The following CRB1 variants were observed in gnomAD, a reference collection of about 807,000 sequenced individuals.
CRB1 encodes the protein protein crumbs homolog 1.
CRB1 carries 83 observed loss-of-function variants against 120.0 expected under a neutral mutation model. That is an observed-to-expected ratio of 0.69 (90% confidence interval 0.58 to 0.83). CRB1 has a LOEUF of 0.83. Among genes scored for constraint, CRB1 ranks in the 40% least tolerant of loss-of-function variants. The pLI is 0.00. For missense variants in CRB1, 1,699 were observed against 1,687.6 expected, an observed-to-expected ratio of 1.01 and a Z score of -0.12; for synonymous variants, 625 against 612.5, an observed-to-expected ratio of 1.02 and a Z score of -0.30.
chr1:197,441,492 A>C (rs954356022), intron 10 of CRB1: 5 of 152,160 alleles, frequency 3.3e-5, no homozygotes, highest in African/African-American at 1.2e-4. Context: ...TTCTACCTCA[A>C]CATTTCAGAA....
At chr1:197,409,338 A>G (rs542554658) in intron 5 of CRB1, among the ~76,000 whole-genome samples, 15 of 152,326 alleles carry the variant, frequency 9.8e-5, no homozygotes, top group Admixed American at 2.6e-4. Context: ...ACACATTTTT[A>G]TAATTCTTGT....
At position 197,453,790 on chromosome 1, in the gene CRB1, T is replaced by G. The variant is rs188480588; in HGVS notation, c.4005+11498T>G. 5.4e-3 allele frequency among the ~76,000 whole-genome samples: 774 copies of G among 143,354 alleles called. 11 individuals carry two copies. The highest frequency in any genetic ancestry group is 0.019 in the African/African-American group (742 of 39,198). The allele number at this position is 143,354 out of a possible 152,430, so 94.0% of individuals were successfully genotyped here. A position where few individuals can be genotyped will look rare whatever the true frequency, so the allele number is the denominator to read the frequency against. Reference sequence around the variant, plus strand: ...TCTTCTTATTATTATTATTATATTATTAATATATTAATAATAATATATTGT... The same window carrying G: ...TCTTCTTATTATTATTATTATATTAGTAATATATTAATAATAATATATTGT... On this transcript the variant is annotated intron_variant, in intron 11 of 11. Coordinates refer to ENST00000367400, the MANE Select transcript of CRB1 (RefSeq NM_201253.3).
At chr1:197,378,336 C>A (rs1175839656) in intron 5 of CRB1, among the ~76,000 whole-genome samples, 1 of 152,156 alleles carries the variant, frequency 6.6e-6, no homozygotes, top group Admixed American at 6.6e-5. Context: ...GAGTTTAGAT[C>A]AAGATGGGAT....
intron 2 of CRB1, among the ~76,000 whole-genome samples, chr1:197,336,271 T>C (rs566051149): frequency 1.3e-5 from 2 of 152,330 alleles, no homozygotes; most frequent in African/African-American, 4.8e-5. Flanking sequence ...TCAGTCGTTG[T>C]GGAGGTTTGA....
intron 5 of CRB1, among the ~76,000 whole-genome samples, chr1:197,390,364 T>C (rs1171542854): frequency 1.3e-5 from 2 of 152,238 alleles, no homozygotes; most frequent in Non-Finnish European, 2.9e-5. Flanking sequence ...AGCAGACATT[T>C]TTCCCATATG....
In CRB1 at chr1:197,270,175, A is replaced by C. The variant is rs182788561; in HGVS notation, c.70+1693A>C. Among the ~76,000 whole-genome samples, 292 of 152,316 alleles carry C rather than the reference A, an allele frequency of 1.9e-3. 1 individual carries two copies. The highest frequency in any genetic ancestry group is 6.8e-3 in the African/African-American group (283 of 41,578). On this transcript the variant is annotated intron_variant, in intron 1 of 11. Coordinates refer to ENST00000367400, the MANE Select transcript of CRB1 (RefSeq NM_201253.3). Reference sequence around the variant, plus strand: ...TTGACACAAATTCTGTGTTCCAGACAAGTGAATAACATAATATCTAGCAGT... The same window carrying C: ...TTGACACAAATTCTGTGTTCCAGACCAGTGAATAACATAATATCTAGCAGT...
intron 5 of CRB1, among the ~76,000 whole-genome samples, chr1:197,404,168 A>C (rs75507035): frequency 5.4e-4 from 83 of 152,334 alleles, no homozygotes; most frequent in African/African-American, 1.9e-3. Flanking sequence ...CAAGGAAAAT[A>C]GTATTCAGAC....
chr1:197,274,799 A>G (rs1655112286), intron 1 of CRB1, among the ~76,000 whole-genome samples: 1 of 152,148 alleles, frequency 6.6e-6, no homozygotes, highest in Admixed American at 6.6e-5. Context: ...ATTCCATTAT[A>G]TAGATGTAGC....
rs185897984 is a variant in CRB1, at chr1:197,325,405, C to T, written c.71-3017C>T. Reference sequence around the variant, plus strand: ...AAAACATAGCAAATGTTTATAAAATCGTCAGTCTTCTAGGTGAAACGATGT... The same window carrying T: ...AAAACATAGCAAATGTTTATAAAATTGTCAGTCTTCTAGGTGAAACGATGT... On this transcript the variant is annotated intron_variant, in intron 1 of 11. Transcript: ENST00000367400. Among the ~76,000 whole-genome samples the T allele has an allele frequency of 2.3e-3, 345 of 152,202 alleles. 3 individuals carry two copies. The highest frequency in any genetic ancestry group is 8.0e-3 in the African/African-American group (331 of 41,516).
Position 197,356,858 on chromosome 1 carries a change from A to G in CRB1, c.1016A>G (p.Asp339Gly). ...PGYTGAQCEI[D>G]LNECNSNPCQ... is the part of the protein sequence containing the mutation. ...TACACAGGTGCCCAGTGTGAGATCG[A>G]CCTCAATGAATGCAATAGTAACCCC... Residue 339 changes from aspartate to glycine, a missense_variant, in exon 5 of 12, where the codon GAC (aspartate) becomes GGC (glycine). Physicochemically the swap from Asp to Gly is moderately conservative, Grantham distance 94 (BLOSUM62 -1). Coordinates refer to ENST00000367400, the MANE Select transcript of CRB1 (RefSeq NM_201253.3). The G allele has an allele frequency of 2.5e-6, 4 of 1,614,190 alleles. No individual in the cohort carries two copies. Among genetic ancestry groups the G allele is most frequent in the Non-Finnish European group, 1.7e-6 (2 of 1,180,020 alleles).
chr1:197,354,066 T>C (rs80286132), intron 4 of CRB1, among the ~76,000 whole-genome samples: 2 of 149,306 alleles, frequency 1.3e-5, no homozygotes, highest in Admixed American at 6.7e-5. Context: ...CAATATTAAC[T>C]GGGGAAAACG....
the CRB1 span, among the ~76,000 whole-genome samples, chr1:197,234,580 G>T: frequency 6.6e-6 from 1 of 152,192 alleles, no homozygotes; most frequent in Non-Finnish European, 1.5e-5. Flanking sequence ...AACAAATATA[G>T]ATCCCCAGAA....
chr1:197,450,506 C>T (rs1322826741), intron 11 of CRB1, among the ~76,000 whole-genome samples: 2 of 152,072 alleles, frequency 1.3e-5, no homozygotes, highest in African/African-American at 4.8e-5. Flanking sequence ...AGTAACCCAA[C>T]AGTTAGTTTT....
intron 11 of CRB1, among the ~76,000 whole-genome samples, chr1:197,457,118 T>C (rs1666318619): frequency 6.6e-6 from 1 of 152,154 alleles, no homozygotes; most frequent in Non-Finnish European, 1.5e-5. Flanking sequence ...GTTCTCATAA[T>C]GTTCCAGTAA....
intron 11 of CRB1, among the ~76,000 whole-genome samples, chr1:197,450,393 G>C (rs1389382997): frequency 6.6e-6 from 1 of 152,086 alleles, no homozygotes; most frequent in Admixed American, 6.6e-5. Context: ...CCTAGAAAAG[G>C]GCATTTTAGC....
chr1:197,259,537 G>A, the CRB1 span, among the ~76,000 whole-genome samples: 1 of 152,118 alleles, frequency 6.6e-6, no homozygotes, highest in Non-Finnish European at 1.5e-5. Flanking sequence ...GTGGGGTGGG[G>A]GCAAGGGGAG....
rs531187198 is a variant in CRB1 at position 197,442,302 on chromosome 1, C to T, written c.4005+10C>T. 8.1e-6 allele frequency: 13 copies of T among 1,614,088 alleles called. No individual in the cohort carries two copies. The South Asian group carries it at 1.4e-4, about 18-fold the overall frequency. On this transcript the variant is annotated intron_variant, in intron 11 of 11. Transcript: ENST00000367400. ...GCGCTGCGAGGTGGACGTAAGCAGCCTCTCCTTTTATGTCTCTCTCTTATT... is the reference window on the plus strand; with the variant it reads ...GCGCTGCGAGGTGGACGTAAGCAGCTTCTCCTTTTATGTCTCTCTCTTATT...
chr1:197,214,882 A>G, the CRB1 span, among the ~76,000 whole-genome samples: 1 of 152,166 alleles, frequency 6.6e-6, no homozygotes, highest in Non-Finnish European at 1.5e-5. Flanking sequence ...AAGAAAAAAA[A>G]AAAATTACAG....
chr1:197,306,057 TAA>T (rs1657156362), intron 1 of CRB1, among the ~76,000 whole-genome samples: 1 of 151,920 alleles, frequency 6.6e-6, no homozygotes, highest in South Asian at 2.1e-4. Context: ...CTAATATTGG[TAA>T]AGAGTGCCTG....
Sources: gnomAD v4.1 joint callset for allele counts (sites outside exome capture counted in the v4.1 genomes callset) on GRCh38, gnomAD v4.1.1 for gene constraint, MANE v1.5 for transcripts, NCBI Gene and HGNC (gene_info 2026-07-23, HGNC 2026-07-21) for gene names.